Variants in SLC9C1 observed in about 807,000 individuals in gnomAD.
SLC9C1 encodes the protein solute carrier family 9 member C1.
SLC9C1 carries 97 observed loss-of-function variants against 140.9 expected under a neutral mutation model. The observed-to-expected ratio is 0.69, with a 90% CI of 0.58 to 0.82. The LOEUF is 0.82. Ranked by LOEUF, SLC9C1 falls within the 40% of genes least tolerant of loss-of-function variation. The pLI is 0.00. For missense variants in SLC9C1, 1,340 were observed against 1,389.3 expected (o/e 0.96, Z 0.56); for synonymous variants, 440 against 442.6 (o/e 0.99, Z 0.07).
intron 12 of SLC9C1, among the ~76,000 whole-genome samples, chr3:112,235,413 T>C (rs1415994367): frequency 6.6e-6 from 1 of 151,198 alleles, no homozygotes; most frequent in Non-Finnish European, 1.5e-5. Flanking sequence ...AATCATGTCA[T>C]CTGCAAACAG....
At position 112,214,008 on chromosome 3, in the gene SLC9C1, C is replaced by G. The variant is rs532710067; in HGVS notation, c.1790+3434G>C. Among the ~76,000 whole-genome samples the G allele has an allele frequency of 9.8e-5, 15 of 152,326 alleles. No individual in the cohort carries two copies. The East Asian group carries it at 2.3e-3, about 23-fold the overall frequency. The stretch of plus-strand genomic sequence containing the variant: ...AAGAACAGAAATTATAACAAACTGT[C>G]TCTCAGACCACAGTGCAATCAAATT... On this transcript the variant is annotated intron_variant, in intron 15 of 28. Transcript: ENST00000305815.
intron 20 of SLC9C1, among the ~76,000 whole-genome samples, chr3:112,191,531 G>C (rs1434729070): frequency 6.6e-6 from 1 of 152,096 alleles, no homozygotes; most frequent in Non-Finnish European, 1.5e-5. Context: ...TTGCATCTCA[G>C]AAATAAATCC....
At chr3:112,250,236 G>A (rs1437993558) in intron 10 of SLC9C1, among the ~76,000 whole-genome samples, 9 of 151,732 alleles carry the variant, frequency 5.9e-5, no homozygotes, top group South Asian at 2.1e-4. Context: ...TACAAAGGAC[G>A]TGAACTCATC....
rs1359261205 is a variant in SLC9C1 at position 112,169,328 on chromosome 3, T to A, written c.2920A>T (p.Thr974Ser). The change falls in exon 24 of 29, where the codon ACA becomes TCA. Residue 974 changes from threonine (T) to serine (S), a missense_variant and splice_region_variant. Physicochemically the swap from Thr to Ser is moderately conservative, Grantham distance 58 (BLOSUM62 1). Coordinates refer to ENST00000305815, the MANE Select transcript of SLC9C1 (RefSeq NM_183061.3). ...AAGTGAGTTTTGGGAATAAAACATG[T>A]CTGGAAAAGAAGGATGTAAATTTGA... ...YSATCKTVVETCFIPKTHLYD... is the reference protein window; with the variant it reads ...YSATCKTVVESCFIPKTHLYD... 1 of 1,603,362 alleles carries A rather than the reference T, an allele frequency of 6.2e-7. No individual in the cohort carries two copies. Among genetic ancestry groups the A allele is most frequent in the Non-Finnish European group, 8.5e-7 (1 of 1,176,580 alleles).
chr3:112,193,677 C>T (rs1271424694), intron 20 of SLC9C1, among the ~76,000 whole-genome samples: 1 of 151,922 alleles, frequency 6.6e-6, no homozygotes, highest in African/African-American at 2.4e-5. Context: ...GGGGACAGGG[C>T]TGTTTTTCAG....
chr3:112,213,193 G>A, intron 15 of SLC9C1, among the ~76,000 whole-genome samples: 1 of 152,174 alleles, frequency 6.6e-6, no homozygotes, highest in Non-Finnish European at 1.5e-5. Context: ...CCCTACAAGA[G>A]CTCCTGAAGG....
chr3:112,187,483 G>A (rs1456178360), intron 20 of SLC9C1, among the ~76,000 whole-genome samples: 1 of 152,102 alleles, frequency 6.6e-6, no homozygotes, highest in African/African-American at 2.4e-5. Flanking sequence ...GTTTCAATTT[G>A]TACAAGGCAC....
At chr3:112,169,463 G>C (rs1356941092) in intron 23 of SLC9C1, 135 bp from the exon 24 acceptor site, 14 of 815,842 alleles carry the variant, frequency 1.7e-5, no homozygotes, top group Non-Finnish European at 2.5e-5. Context: ...TGGAAACTTA[G>C]TAAAATGTGT....
chr3:112,183,227 C>T (rs998928617), intron 20 of SLC9C1, among the ~76,000 whole-genome samples: 1 of 151,976 alleles, frequency 6.6e-6, no homozygotes, highest in Non-Finnish European at 1.5e-5. Flanking sequence ...CGTTGTTCCA[C>T]CCTGTTGTCT....
At chr3:112,192,244 A>G (rs1460613788) in intron 20 of SLC9C1, among the ~76,000 whole-genome samples, 1 of 152,120 alleles carries the variant, frequency 6.6e-6, no homozygotes, top group Non-Finnish European at 1.5e-5. Context: ...CTCTATACCC[A>G]TTAAACAATA....
chr3:112,214,505 C>G (rs994327472), intron 15 of SLC9C1, among the ~76,000 whole-genome samples: 2 of 151,478 alleles, frequency 1.3e-5, no homozygotes, highest in African/African-American at 4.8e-5. Context: ...CAAATAGATG[C>G]AATAAAAAAT....
intron 12 of SLC9C1, among the ~76,000 whole-genome samples, chr3:112,238,756 A>C (rs755487412): frequency 6.6e-6 from 1 of 152,188 alleles, no homozygotes; most frequent in Non-Finnish European, 1.5e-5. Context: ...TCAGCAGCAG[A>C]GGCTGCAGAA....
chr3:112,145,668 G>T (rs2074770625), intron 28 of SLC9C1, among the ~76,000 whole-genome samples: 1 of 126,524 alleles, frequency 7.9e-6, no homozygotes, highest in African/African-American at 3.0e-5. Context: ...GGTCTGTTCA[G>T]TTTTTCAATT....
chr3:112,223,871 G>T (rs1276787714), intron 13 of SLC9C1, among the ~76,000 whole-genome samples: 11 of 152,126 alleles, frequency 7.2e-5, no homozygotes, highest in Non-Finnish European at 1.6e-4. Context: ...TATTACCTAG[G>T]TTTACTAGAT....
intron 28 of SLC9C1, chr3:112,151,473 A>G (rs1379303797): frequency 1.9e-6 from 1 of 519,576 alleles, no homozygotes; most frequent in South Asian, 1.4e-5. Flanking sequence ...GCCTTCTGGT[A>G]GGTTTTGTCT....
chr3:112,182,449 AT>A lies in SLC9C1; in HGVS notation c.2524-192del, dbSNP rs2077456384. 2.0e-5 allele frequency among the ~76,000 whole-genome samples: 3 copies of A among 151,956 alleles called. No individual in the cohort carries two copies. In the East Asian group the frequency reaches 5.8e-4, roughly 29 times the overall value. ...TTATTTTTATTTCTTCCCAACTTTTATTTTAGGTTCAGGTGATACATGTGCA... is the reference window on the plus strand; with the variant it reads ...TTATTTTTATTTCTTCCCAACTTTTATTTAGGTTCAGGTGATACATGTGCA... On this transcript the variant is annotated intron_variant, in intron 20 of 28. Transcript: ENST00000305815.
intron 12 of SLC9C1, among the ~76,000 whole-genome samples, chr3:112,236,158 G>A (rs1263199160): frequency 2.6e-5 from 4 of 152,138 alleles, no homozygotes; most frequent in African/African-American, 4.8e-5. Flanking sequence ...CCTGTTATTG[G>A]TCTATTAAGA....
intron 23 of SLC9C1, among the ~76,000 whole-genome samples, chr3:112,171,574 G>A (rs1310324001): frequency 1.3e-5 from 2 of 152,102 alleles, no homozygotes; most frequent in African/African-American, 2.4e-5. Flanking sequence ...CCCTGAGCCT[G>A]CTGCTCATAT....
Position 112,263,112 on chromosome 3 carries a change from C to T in SLC9C1, c.1023-14G>A, listed in dbSNP as rs1327015548. The T allele has an allele frequency of 1.9e-6, 3 of 1,549,582 alleles. No individual in the cohort carries two copies. Among genetic ancestry groups the T allele is most frequent in the South Asian group, 1.3e-5 (1 of 78,554 alleles). The stretch of plus-strand genomic sequence containing the variant: ...AGGGTCAGAAATCTAAAAGACAAAA[C>T]AATTTTTACAAAGTTATTCTTTCAT... On this transcript the variant is annotated splice_polypyrimidine_tract_variant and intron_variant, in intron 9 of 28. Transcript: ENST00000305815.
Sources: allele counts gnomAD v4.1 joint callset (sites outside exome capture counted in the v4.1 genomes callset), GRCh38; gene constraint gnomAD v4.1.1; transcripts MANE v1.5; gene names NCBI Gene and HGNC (gene_info 2026-07-23, HGNC 2026-07-21).